PCDHA7: variants seen among roughly 807,000 people sequenced by gnomAD.
The protein encoded by PCDHA7 is protocadherin alpha 7.
In PCDHA7, 37 loss-of-function variants were observed where a neutral mutation model predicts 57.2. That is an observed-to-expected ratio of 0.65 (90% confidence interval 0.50 to 0.85). The LOEUF (loss-of-function observed/expected upper bound fraction) is 0.85. PCDHA7 is among the 40% of genes least tolerant of loss of function. The probability of loss-of-function intolerance (pLI) is 0.00; values close to 1 mark genes in which losing one functional copy is unlikely to be tolerated. For synonymous variants in PCDHA7, 553 were observed against 558.8 expected, an observed-to-expected ratio of 0.99 and a Z score of 0.15; for missense variants, 1,188 against 1,241.8, an observed-to-expected ratio of 0.96 and a Z score of 0.65.
At chr5:140,849,777 C>T (rs2150449616) in intron 1 of PCDHA7, 2 of 1,598,440 alleles carry the variant, frequency 1.3e-6, no homozygotes, top group Non-Finnish European at 1.7e-6. Flanking sequence ...GGTTACCGCG[C>T]GGGACGGGGG....
intron 1 of PCDHA7, among the ~76,000 whole-genome samples, chr5:140,880,397 A>C (rs1420314604): frequency 6.6e-6 from 1 of 152,246 alleles, no homozygotes; most frequent in Non-Finnish European, 1.5e-5. Context: ...TTTTAAGAGC[A>C]TATGGTTGAC....
rs1489202467 is a variant in PCDHA7 at position 140,882,704 on chromosome 5, A to G, written c.2355+45966A>G. ...GAAACGAATAATCATTGCAGAATCTAGACCTCCGGAAACTCGATTTCCACT... is the reference window on the plus strand; with the variant it reads ...GAAACGAATAATCATTGCAGAATCTGGACCTCCGGAAACTCGATTTCCACT... On this transcript the variant is annotated intron_variant, in intron 1 of 3. Coordinates refer to ENST00000525929, the MANE Select transcript of PCDHA7 (RefSeq NM_018910.3). 6 of 1,614,110 alleles carry G rather than the reference A, an allele frequency of 3.7e-6. No individual in the cohort carries two copies. The African/African-American group carries it at 8.0e-5, about 22-fold the overall frequency.
At chr5:140,878,264 T>G (rs577205816) in intron 1 of PCDHA7, among the ~76,000 whole-genome samples, 83 of 152,314 alleles carry the variant, frequency 5.4e-4, no homozygotes, top group African/African-American at 1.9e-3. Flanking sequence ...TGCTTAGGCT[T>G]TTAAAATAGC....
At chr5:140,883,308 C>T (rs782669562) in intron 1 of PCDHA7, 2 of 1,614,102 alleles carry the variant, frequency 1.2e-6, no homozygotes, top group South Asian at 1.1e-5. Flanking sequence ...AATGATAACG[C>T]CCCAGAGGTT....
intron 1 of PCDHA7, among the ~76,000 whole-genome samples, chr5:140,925,390 G>A (rs968466600): frequency 6.6e-6 from 1 of 152,032 alleles, no homozygotes; most frequent in Non-Finnish European, 1.5e-5. Flanking sequence ...GTCTCCTTTT[G>A]GCTCGCCTCC....
At chr5:140,882,907 A>T (rs11744560) in intron 1 of PCDHA7, 226,049 of 1,614,134 alleles carry the variant, frequency 0.14, 16,618 homozygotes, top group Middle Eastern at 0.18. Context: ...TATTACTGAC[A>T]GCCAGTGATG....
intron 1 of PCDHA7, chr5:140,841,679 G>C: frequency 6.2e-7 from 1 of 1,613,984 alleles, no homozygotes. Context: ...TTTCCATGTG[G>C]ACGTGGAGGT....
chr5:140,918,445 A>G (rs2078702084), intron 1 of PCDHA7, among the ~76,000 whole-genome samples: 1 of 152,144 alleles, frequency 6.6e-6, no homozygotes, highest in African/African-American at 2.4e-5. Context: ...GAGTGGTGAC[A>G]GTGGGCATCC....
At chr5:140,924,596 T>C (rs1309205821) in intron 1 of PCDHA7, among the ~76,000 whole-genome samples, 1 of 152,116 alleles carries the variant, frequency 6.6e-6, no homozygotes, top group Non-Finnish European at 1.5e-5. Context: ...TATAGAAATA[T>C]GCAGGCTGAT....
chr5:140,871,179 G>C (rs374404426), intron 1 of PCDHA7: 44 of 1,613,428 alleles, frequency 2.7e-5, no homozygotes, highest in Non-Finnish European at 3.5e-5. Context: ...AGGCTGCGCT[G>C]GTGGATGTCA....
rs2150239679 is a variant in PCDHA7, at chr5:140,835,624, AC to A, written c.1243del (p.Arg415AlafsTer34). 1 of 1,613,722 alleles carries A rather than the reference AC, an allele frequency of 6.2e-7. No individual in the cohort carries two copies. The highest frequency in any genetic ancestry group is 1.7e-5 in the Admixed American group (1 of 59,994). ...TCATTGGTGCTGGACAGCGCTCTGG[AC>A]CGCGAGAGTGTGTCCGCCTATGAGC... is the stretch of plus-strand genomic sequence containing the variant. The part of the protein sequence containing the change: ...YYSLVLDSAL[D>X]RESVSAYELV... On this transcript the variant is annotated frameshift_variant, in exon 1 of 4. Coordinates refer to ENST00000525929, the MANE Select transcript of PCDHA7 (RefSeq NM_018910.3). LOFTEE classifies it high-confidence loss of function.
intron 1 of PCDHA7, among the ~76,000 whole-genome samples, chr5:140,886,986 A>C (rs1246352877): frequency 6.6e-6 from 1 of 152,160 alleles, no homozygotes; most frequent in Non-Finnish European, 1.5e-5. Context: ...TGTAAATCCA[A>C]ATTTCCAGTT....
At position 140,835,207 on chromosome 5, in the gene PCDHA7, G is replaced by A. The variant is rs2150231838; in HGVS notation, c.824G>A (p.Gly275Glu). The A allele has an allele frequency of 5.0e-5, 79 of 1,567,382 alleles. No individual in the cohort carries two copies. Among genetic ancestry groups the A allele is most frequent in the Non-Finnish European group, 6.5e-5 (75 of 1,153,980 alleles). Residue 275 changes from glycine to glutamate, a missense_variant, in exon 1 of 4, where the codon GGG becomes GAG. By Grantham distance (98) the Gly-to-Glu change is moderately conservative. Coordinates refer to ENST00000525929, the MANE Select transcript of PCDHA7 (RefSeq NM_018910.3). Reference sequence around the variant, plus strand: ...TCAGATTTAGACGAAGGCTTGAATGGGGATATTATTTACTCCTTCTCCAGT... The same window carrying A: ...TCAGATTTAGACGAAGGCTTGAATGAGGATATTATTTACTCCTTCTCCAGT... Reference protein sequence around the residue: ...NASDLDEGLNGDIIYSFSSDV... With the variant: ...NASDLDEGLNEDIIYSFSSDV...
chr5:140,961,985 G>A (rs782724308), intron 1 of PCDHA7, among the ~76,000 whole-genome samples: 30 of 151,692 alleles, frequency 2.0e-4, no homozygotes, highest in Non-Finnish European at 4.0e-4. Context: ...CTGGGTTCAC[G>A]CCATTGTCCT....
intron 1 of PCDHA7, chr5:140,928,280 C>G (rs781831365): frequency 6.2e-7 from 1 of 1,614,194 alleles, no homozygotes; most frequent in East Asian, 2.2e-5. Context: ...CCTGGGGCCT[C>G]TCTAGGCCGA....
intron 1 of PCDHA7, chr5:140,877,731 G>A (rs2153355415): frequency 1.2e-6 from 2 of 1,614,176 alleles, no homozygotes; most frequent in Non-Finnish European, 1.7e-6. Context: ...ACTCGCAGCA[G>A]AGGAGGCAGA....
chr5:140,897,104 C>A (rs1474457154), intron 1 of PCDHA7, among the ~76,000 whole-genome samples: 1 of 152,116 alleles, frequency 6.6e-6, no homozygotes, highest in Non-Finnish European at 1.5e-5. Flanking sequence ...TTAAAAATCT[C>A]CACTTTCTGT....
intron 1 of PCDHA7, among the ~76,000 whole-genome samples, chr5:140,885,773 G>T (rs1419137937): frequency 6.6e-6 from 1 of 152,016 alleles, no homozygotes; most frequent in African/African-American, 2.4e-5. Flanking sequence ...TATAGTATTA[G>T]TGAATTTGAG....
chr5:140,996,365 T>C (rs1017086317), intron 3 of PCDHA7, among the ~76,000 whole-genome samples: 4 of 152,196 alleles, frequency 2.6e-5, no homozygotes, highest in African/African-American at 9.7e-5. Context: ...GAAGCCATTT[T>C]GTTGTCGGCT....
Sources: allele counts gnomAD v4.1 joint callset (sites outside exome capture counted in the v4.1 genomes callset), GRCh38; gene constraint gnomAD v4.1.1; transcripts MANE v1.5; gene names NCBI Gene and HGNC (gene_info 2026-07-23, HGNC 2026-07-21).